Variants in LIPH observed in about 807,000 individuals in gnomAD.
LIPH encodes the protein lipase H, also known as lipase member H.
In LIPH, 32 loss-of-function variants were observed where a neutral mutation model predicts 47.6. The ratio of observed to expected loss-of-function variants is 0.67; its 90% CI spans 0.51 to 0.90. LIPH has a LOEUF of 0.90. Among genes scored for constraint, LIPH ranks in the 40% least tolerant of loss-of-function variants. The pLI, the probability that LIPH is intolerant of heterozygous loss-of-function variation, is 0.00. For missense variants in LIPH, 497 were observed against 541.4 expected, an observed-to-expected ratio of 0.92 and a Z score of 0.81; for synonymous variants, 190 against 195.6, an observed-to-expected ratio of 0.97 and a Z score of 0.24.
At chr3:185,551,359 GCATA>G (rs1456171093) in intron 1 of LIPH, among the ~76,000 whole-genome samples, 1 of 151,908 alleles carries the variant, frequency 6.6e-6, no homozygotes, top group Non-Finnish European at 1.5e-5. Flanking sequence ...ATTCACATAT[GCATA>G]CATACATGAT....
At chr3:185,526,334 G>A (rs951680384) in intron 4 of LIPH, among the ~76,000 whole-genome samples, 2 of 151,746 alleles carry the variant, frequency 1.3e-5, no homozygotes, top group East Asian at 1.9e-4. Context: ...CAGCCTGGCC[G>A]ACATAGTGAA....
intron 5 of LIPH, among the ~76,000 whole-genome samples, chr3:185,522,320 G>A (rs1297575839): frequency 1.3e-5 from 2 of 152,144 alleles, no homozygotes; most frequent in Admixed American, 6.6e-5. Context: ...GTTGTCAGCT[G>A]TGTCTGCCGT....
At chr3:185,514,563 C>T (rs1203544105) in intron 7 of LIPH, 42 bp from the exon 8 acceptor site, 1 of 813,718 alleles carries the variant, frequency 1.2e-6, no homozygotes, top group Non-Finnish European at 2.2e-6. Context: ...GAGATACTAC[C>T]AACTGATCCC....
intron 3 of LIPH, among the ~76,000 whole-genome samples, chr3:185,529,660 C>A (rs907904478): frequency 2.0e-5 from 3 of 150,094 alleles, no homozygotes; most frequent in South Asian, 2.2e-4. Context: ...GAGGCCAGGG[C>A]GGGAGGATTG....
chr3:185,527,715 C>T, intron 3 of LIPH, 130 bp from the exon 4 acceptor site: 2 of 692,960 alleles, frequency 2.9e-6, no homozygotes, highest in Non-Finnish European at 2.7e-6. Context: ...CTCACACTCC[C>T]GTCCCACTTG....
At chr3:185,515,362 T>C (rs886664323) in intron 7 of LIPH, among the ~76,000 whole-genome samples, 1 of 151,780 alleles carries the variant, frequency 6.6e-6, no homozygotes, top group Non-Finnish European at 1.5e-5. Flanking sequence ...ATCAGGGAGA[T>C]GACAGTCCCA....
At position 185,552,539 on chromosome 3, in the gene LIPH, C is replaced by T. The variant is rs1721081855; in HGVS notation, c.-68G>A. The T allele has an allele frequency of 1.7e-6, 2 of 1,155,752 alleles. No individual in the cohort carries two copies. Among genetic ancestry groups the T allele is most frequent in the Non-Finnish European group, 2.6e-6 (2 of 763,654 alleles). The allele number at this position is 1,155,752 out of a possible 1,614,324, so 71.6% of individuals were successfully genotyped here. On this transcript the variant is annotated 5_prime_UTR_variant, in exon 1 of 10. Coordinates refer to ENST00000296252, the MANE Select transcript of LIPH (RefSeq NM_139248.3). ...TTACTTCGCAGAGGCTTAAGAGTTT[C>T]CACTGTGGGATTTTGCTCACAGTGA...
intron 7 of LIPH, among the ~76,000 whole-genome samples, chr3:185,514,785 G>A (rs1719675564): frequency 6.6e-6 from 1 of 152,184 alleles, no homozygotes; most frequent in Non-Finnish European, 1.5e-5. Context: ...CAGGTATTGT[G>A]AAGTCTTAGG....
chr3:185,546,950 C>T (rs35655024), intron 1 of LIPH: 2 of 447,172 alleles, frequency 4.5e-6, no homozygotes, highest in South Asian at 3.2e-5. Context: ...GAGGAGACTC[C>T]TCATTCATAT....
chr3:185,538,497 TA>T (rs1720571266), intron 1 of LIPH, among the ~76,000 whole-genome samples: 1 of 152,174 alleles, frequency 6.6e-6, no homozygotes. Context: ...AATGAGTAGC[TA>T]AATGCCAACA....
At chr3:185,513,495 T>C (rs925422369) in intron 8 of LIPH, among the ~76,000 whole-genome samples, 1 of 152,166 alleles carries the variant, frequency 6.6e-6, no homozygotes, top group Non-Finnish European at 1.5e-5. Context: ...TGGAAAATTG[T>C]GCAACCATTA....
intron 1 of LIPH, among the ~76,000 whole-genome samples, chr3:185,535,642 G>A (rs559676134): frequency 2.6e-5 from 4 of 151,044 alleles, no homozygotes; most frequent in Non-Finnish European, 5.9e-5. Flanking sequence ...TCACTCTGTC[G>A]CCCAGGCCGG....
intron 5 of LIPH, among the ~76,000 whole-genome samples, chr3:185,521,703 C>T (rs1342123432): frequency 6.6e-6 from 1 of 152,194 alleles, no homozygotes; most frequent in Non-Finnish European, 1.5e-5. Context: ...TCCAAAAAGT[C>T]CAGTAGTTCC....
chr3:185,534,184 C>T (rs926914571), intron 2 of LIPH, among the ~76,000 whole-genome samples: 2 of 152,040 alleles, frequency 1.3e-5, no homozygotes, highest in African/African-American at 2.4e-5. Flanking sequence ...GGTGAAACCC[C>T]GTCTCTACTA....
chr3:185,541,360 A>C (rs1263453914), intron 1 of LIPH, among the ~76,000 whole-genome samples: 1 of 151,714 alleles, frequency 6.6e-6, no homozygotes, highest in Non-Finnish European at 1.5e-5. Context: ...ATTGTCAAAT[A>C]CAGTCGATTC....
intron 3 of LIPH, among the ~76,000 whole-genome samples, chr3:185,529,186 A>G (rs1440921446): frequency 6.8e-6 from 1 of 147,466 alleles, no homozygotes; most frequent in Non-Finnish European, 1.5e-5. Flanking sequence ...CAAAAAAAAA[A>G]AAAAAAGAAA....
At chr3:185,524,207 A>G (rs149815959) in intron 4 of LIPH, 47 bp from the exon 5 acceptor site, 161 of 1,097,536 alleles carry the variant, frequency 1.5e-4, no homozygotes, top group Non-Finnish European at 1.7e-4. Context: ...AATTTTTCCT[A>G]TCTCACAGCT....
At chr3:185,521,998 T>A (rs1719908795) in intron 5 of LIPH, among the ~76,000 whole-genome samples, 1 of 152,178 alleles carries the variant, frequency 6.6e-6, no homozygotes, top group Non-Finnish European at 1.5e-5. Flanking sequence ...ATGTATATAT[T>A]GTACTTATAA....
At chr3:185,547,969 T>C (rs1720930801) in intron 1 of LIPH, among the ~76,000 whole-genome samples, 1 of 152,218 alleles carries the variant, frequency 6.6e-6, no homozygotes, top group Non-Finnish European at 1.5e-5. Flanking sequence ...TTGATGCCGT[T>C]GATGCCAAAA....
Sources: gnomAD v4.1 joint callset for allele counts (sites outside exome capture counted in the v4.1 genomes callset) on GRCh38, gnomAD v4.1.1 for gene constraint, MANE v1.5 for transcripts, NCBI Gene and HGNC (gene_info 2026-07-23, HGNC 2026-07-21) for gene names.